IL1RAPL1: variants seen among roughly 807,000 people sequenced by gnomAD.
IL1RAPL1 encodes interleukin 1 receptor accessory protein like 1.
Under a neutral mutation model 48.4 loss-of-function variants are expected in IL1RAPL1, and 3 were observed. The observed-to-expected ratio is 0.06, with a 90% CI of 0.03 to 0.16. IL1RAPL1 has a LOEUF of 0.16. Ranked by LOEUF, IL1RAPL1 falls within the 10% of genes least tolerant of loss-of-function variation. The pLI is 1.00. For synonymous variants in IL1RAPL1, 185 were observed against 187.7 expected (o/e 0.99, Z 0.12); for missense variants, 349 against 530.6 (o/e 0.66, Z 3.36).
At position 29,427,136 on chromosome X, in the gene IL1RAPL1, C is replaced by T. The variant is rs931602560; in HGVS notation, c.703+27828C>T. On this transcript the variant is annotated intron_variant, in intron 5 of 10. Transcript: ENST00000378993. ...TAACATTGTCTTGACTTATTTGCCC[C>T]GTATGGTTGTTAGGTTCCAGGGAGC... Among the ~76,000 whole-genome samples, 20 of 111,623 alleles carry T rather than the reference C, an allele frequency of 1.8e-4. No individual in the cohort carries two copies. The East Asian group carries it at 3.9e-3, about 22-fold the overall frequency.
chrX:29,023,344 A>T (rs1387842070), intron 2 of IL1RAPL1, among the ~76,000 whole-genome samples: 1 of 112,427 alleles, frequency 8.9e-6, no homozygotes, highest in Non-Finnish European at 1.9e-5. Context: ...ATAATGCATT[A>T]TTAGGATGTT....
At chrX:29,826,167 G>A (rs746269701) in intron 6 of IL1RAPL1, among the ~76,000 whole-genome samples, 2 of 111,466 alleles carry the variant, frequency 1.8e-5, no homozygotes, top group South Asian at 7.6e-4. Context: ...TTATATCTAT[G>A]CCTGACTGAC....
At chrX:29,182,540 A>C (rs1373350123) in intron 2 of IL1RAPL1, among the ~76,000 whole-genome samples, 1 of 109,950 alleles carries the variant, frequency 9.1e-6, no homozygotes, top group Non-Finnish European at 1.9e-5. Context: ...ACATGTTTAT[A>C]TTACGTGGAG....
At chrX:28,903,424 C>CTTTTT (rs199661606) in intron 2 of IL1RAPL1, among the ~76,000 whole-genome samples, 10 of 100,121 alleles carry the variant, frequency 1.0e-4, no homozygotes, top group African/African-American at 1.5e-4. Flanking sequence ...TTCTTTCTTT[C>CTTTTT]TTTTTTTTTT....
At position 29,471,861 on chromosome X, in the gene IL1RAPL1, A is replaced by G. The variant is rs780942824; in HGVS notation, c.703+72553A>G. On this transcript the variant is annotated intron_variant, in intron 5 of 10. Coordinates refer to ENST00000378993, the MANE Select transcript of IL1RAPL1 (RefSeq NM_014271.4). ...ATCATCAGGATTTCATGGCTCATCC[A>G]TGAAATGTCTCAGTACTTTATTACC... Among the ~76,000 whole-genome samples, 3 of 111,662 alleles carry G rather than the reference A, an allele frequency of 2.7e-5. No homozygotes were observed. In the South Asian group the frequency reaches 1.1e-3, roughly 42 times the overall value.
intron 6 of IL1RAPL1, among the ~76,000 whole-genome samples, chrX:29,797,846 C>T (rs1016036361): frequency 1.8e-5 from 2 of 111,356 alleles, no homozygotes; most frequent in Admixed American, 9.5e-5. Context: ...GCACTCCAGC[C>T]TGGGCAACAC....
At chrX:29,289,700 T>C (rs748085161) in intron 3 of IL1RAPL1, among the ~76,000 whole-genome samples, 1 of 112,405 alleles carries the variant, frequency 8.9e-6, no homozygotes, top group African/African-American at 3.2e-5. Context: ...TCACTATCTG[T>C]GAGTACAGTA....
At chrX:29,631,032 A>T (rs569031037) in intron 5 of IL1RAPL1, among the ~76,000 whole-genome samples, 24 of 111,759 alleles carry the variant, frequency 2.1e-4, no homozygotes, top group African/African-American at 7.5e-4. Context: ...ACATTTATTC[A>T]ATATATTCCT....
intron 6 of IL1RAPL1, among the ~76,000 whole-genome samples, chrX:29,668,749 C>T (rs752190363): frequency 1.5e-4 from 17 of 111,406 alleles, no homozygotes; most frequent in African/African-American, 5.5e-4. Flanking sequence ...ATGAGATAGG[C>T]TGATGATTTT....
chrX:28,706,128 C>T (rs1053309428), intron 1 of IL1RAPL1, among the ~76,000 whole-genome samples: 20 of 111,571 alleles, frequency 1.8e-4, no homozygotes, highest in African/African-American at 5.2e-4. Flanking sequence ...AATGACGAAC[C>T]GCATGTAGGA....
At chrX:29,462,891 T>C (rs1267012693) in intron 5 of IL1RAPL1, among the ~76,000 whole-genome samples, 2 of 111,621 alleles carry the variant, frequency 1.8e-5, no homozygotes, top group Non-Finnish European at 3.8e-5. Context: ...GTCTTTCCCT[T>C]GGGGATAAGG....
chrX:29,005,880 A>G (rs1191930691), intron 2 of IL1RAPL1, among the ~76,000 whole-genome samples: 3 of 112,143 alleles, frequency 2.7e-5, no homozygotes, highest in African/African-American at 9.7e-5. Context: ...GCTAATATAA[A>G]ATCTTGTAAA....
chrX:29,203,355 G>A (rs1211619794), intron 2 of IL1RAPL1, among the ~76,000 whole-genome samples: 2 of 111,491 alleles, frequency 1.8e-5, no homozygotes, highest in Admixed American at 1.9e-4. Flanking sequence ...ACCAAATCAG[G>A]GCAGTTGGGA....
chrX:29,120,397 G>C (rs1684842373), intron 2 of IL1RAPL1, among the ~76,000 whole-genome samples: 1 of 111,561 alleles, frequency 9.0e-6, no homozygotes, highest in Non-Finnish European at 1.9e-5. Flanking sequence ...TAAATAAGGA[G>C]TCCTTTCCCC....
chrX:29,298,316 G>C (rs1443885961), intron 3 of IL1RAPL1, among the ~76,000 whole-genome samples: 1 of 111,351 alleles, frequency 9.0e-6, no homozygotes, highest in East Asian at 2.8e-4. Context: ...GAAAGAACAA[G>C]GTGCCTTAAG....
chrX:29,227,764 T>C (rs1033400024), intron 2 of IL1RAPL1, among the ~76,000 whole-genome samples: 3 of 111,789 alleles, frequency 2.7e-5, no homozygotes, highest in Non-Finnish European at 5.6e-5. Flanking sequence ...CACTGCTTAC[T>C]TCCTAGACAG....
intron 2 of IL1RAPL1, among the ~76,000 whole-genome samples, chrX:29,114,525 T>C (rs1389750121): frequency 8.9e-6 from 1 of 112,456 alleles, no homozygotes; most frequent in Non-Finnish European, 1.9e-5. Context: ...TCTTCAAATA[T>C]TGTCTCTTTA....
At chrX:28,930,888 G>A (rs929200526) in intron 2 of IL1RAPL1, among the ~76,000 whole-genome samples, 12 of 110,698 alleles carry the variant, frequency 1.1e-4, no homozygotes, top group Non-Finnish European at 1.9e-4. Context: ...TGATCTGCTC[G>A]CCTTGGCCTC....
At chrX:29,867,738 A>ATTTAC (rs1190320721) in intron 6 of IL1RAPL1, among the ~76,000 whole-genome samples, 4 of 111,960 alleles carry the variant, frequency 3.6e-5, no homozygotes, top group African/African-American at 1.3e-4. Flanking sequence ...AGAGTAAACA[A>ATTTAC]TTTACTTTAA....
Sources: allele counts gnomAD v4.1 joint callset (sites outside exome capture counted in the v4.1 genomes callset), GRCh38; gene constraint gnomAD v4.1.1; transcripts MANE v1.5; gene names NCBI Gene and HGNC (gene_info 2026-07-23, HGNC 2026-07-21).